The following STRIP1 variants were observed in gnomAD, a reference collection of about 807,000 sequenced individuals.
STRIP1 encodes striatin-interacting protein 1.
In STRIP1, 63 loss-of-function variants were observed where a neutral mutation model predicts 106.2. That is an observed-to-expected ratio of 0.59 (90% CI 0.48 to 0.73). The LOEUF (loss-of-function observed/expected upper bound fraction) is 0.73, where lower values mean the gene tolerates loss of function less well. Ranked by LOEUF, STRIP1 falls within the 30% of genes least tolerant of loss-of-function variation. The probability of loss-of-function intolerance (pLI) is 0.00; values close to 1 mark genes in which losing one functional copy is unlikely to be tolerated. For synonymous variants in STRIP1, 390 were observed against 413.0 expected, an observed-to-expected ratio of 0.94 and a Z score of 0.67; for missense variants, 857 against 1,074.8, an observed-to-expected ratio of 0.80 and a Z score of 2.83.
At chr1:110,032,702 A>G (rs941965353), upstream of STRIP1, among the ~76,000 whole-genome samples, 1 of 152,154 alleles carries the variant, frequency 6.6e-6, no homozygotes, top group African/African-American at 2.4e-5. Context: ...TACCCAGCTG[A>G]TAAGATTCCA....
chr1:110,042,797 T>G (rs1234048900), intron 8 of STRIP1: 1 of 301,786 alleles, frequency 3.3e-6, no homozygotes, highest in Non-Finnish European at 6.1e-6. Context: ...AGGGTTAGGC[T>G]CTTTGCTTCT....
rs780139766 is a variant in STRIP1, at chr1:110,051,896, C to G, written c.2266+9C>G. 28 of 1,611,248 alleles carry G rather than the reference C, an allele frequency of 1.7e-5. No homozygotes were observed. In the Admixed American group the frequency reaches 3.0e-4, roughly 17 times the overall value. On this transcript the variant is annotated intron_variant, in intron 20 of 20. Coordinates refer to ENST00000369795, the MANE Select transcript of STRIP1 (RefSeq NM_033088.4). The stretch of plus-strand genomic sequence containing the variant: ...CTGGGCATACGGCAATGGTGAGACT[C>G]TGCACTCAGCCAGATTTGGGTGGGA...
rs1297525810 is a variant in STRIP1 at position 110,040,501 on chromosome 1, A to G, written c.582-134A>G. Reference sequence around the variant, plus strand: ...CCAGCCATGGTCTGGTTTCTTAACCACCGTGTCCTGTGGCCTCTTGTGCAG... The same window carrying G: ...CCAGCCATGGTCTGGTTTCTTAACCGCCGTGTCCTGTGGCCTCTTGTGCAG... On this transcript the variant is annotated intron_variant, in intron 5 of 20. Transcript: ENST00000369795. 4 of 782,100 alleles carry G rather than the reference A, an allele frequency of 5.1e-6. No homozygotes were observed. In the African/African-American group the frequency reaches 7.1e-5, roughly 14 times the overall value. The allele number at this position is 782,100 out of a possible 1,614,324, so 48.4% of individuals were successfully genotyped here.
In STRIP1 at chr1:110,046,698, GCAGAGGT is replaced by G; in HGVS notation, c.1437_1443del (p.Glu480ArgfsTer40). 6.2e-7 allele frequency: 1 copy of G among 1,613,444 alleles called. No individual in the cohort carries two copies. The highest frequency in any genetic ancestry group is 8.5e-7 in the Non-Finnish European group (1 of 1,179,576). ...CCACCAGCACAAGTACACGTCGATT[GCAGAGGT>G]CCAGGCACAGATGGAGGAGGAATAC... On this transcript the variant is annotated frameshift_variant, in exon 13 of 21. Coordinates refer to ENST00000369795, the MANE Select transcript of STRIP1 (RefSeq NM_033088.4). LOFTEE classifies it high-confidence loss of function.
intron 5 of STRIP1, chr1:110,039,726 T>C (rs1652665190): frequency 1.9e-6 from 2 of 1,040,610 alleles, no homozygotes; most frequent in African/African-American, 1.6e-5. Context: ...AGCTCCCTGA[T>C]GCCAGAGTTT....
chr1:110,052,508 C>T lies in STRIP1; in HGVS notation c.2266+621C>T, dbSNP rs144916786. 7.1e-3 allele frequency among the ~76,000 whole-genome samples: 1,080 copies of T among 152,130 alleles called. 10 individuals are homozygous for T. The highest frequency in any genetic ancestry group is 0.016 in the African/African-American group (667 of 41,498). Reference sequence around the variant, plus strand: ...TTTTCTTTTGAGACAGAGATTCTGTCGCCCAGGCTGGATTGCAGTGGCACA... The same window carrying T: ...TTTTCTTTTGAGACAGAGATTCTGTTGCCCAGGCTGGATTGCAGTGGCACA... On this transcript the variant is annotated intron_variant, in intron 20 of 20. Coordinates refer to ENST00000369795, the MANE Select transcript of STRIP1 (RefSeq NM_033088.4).
chr1:110,050,190 G>C, intron 17 of STRIP1, 153 bp from the exon 18 acceptor site: 2 of 663,284 alleles, frequency 3.0e-6, no homozygotes, highest in Non-Finnish European at 5.3e-6. Context: ...TCATCTTATA[G>C]GTGGGGAAAC....
intron 8 of STRIP1, 96 bp downstream of exon 8, chr1:110,041,957 G>C (rs915059876): frequency 2.7e-5 from 36 of 1,350,572 alleles, no homozygotes; most frequent in Non-Finnish European, 3.5e-5. Flanking sequence ...TTATGTGACT[G>C]TAAAACTGCT....
chr1:110,044,167 C>T (rs1312407533), intron 10 of STRIP1, among the ~76,000 whole-genome samples: 1 of 152,194 alleles, frequency 6.6e-6, no homozygotes, highest in African/African-American at 2.4e-5. Context: ...AACATGTCTC[C>T]ACCCATCCTG....
upstream of STRIP1, among the ~76,000 whole-genome samples, chr1:110,033,728 A>G (rs1474351720): frequency 6.6e-6 from 1 of 152,258 alleles, no homozygotes; most frequent in Non-Finnish European, 1.5e-5. Context: ...TATGAACTTT[A>G]GGATTGAGTT....
chr1:110,034,340 A>G (rs1398624641), upstream of STRIP1, among the ~76,000 whole-genome samples: 4 of 152,248 alleles, frequency 2.6e-5, no homozygotes, highest in Admixed American at 1.3e-4. Flanking sequence ...GCTATGAGTT[A>G]TAAGTGCAAA....
intron 12 of STRIP1, 70 bp from the exon 13 acceptor site, chr1:110,046,610 T>C: frequency 7.3e-7 from 1 of 1,371,972 alleles, no homozygotes; most frequent in Non-Finnish European, 1.0e-6. Context: ...TGTGGGGATT[T>C]TGCTAGAGTG....
In STRIP1 at chr1:110,043,071, C is replaced by G. The variant is rs1476587263; in HGVS notation, c.886-17C>G. The G allele has an allele frequency of 1.2e-6, 2 of 1,600,146 alleles. No homozygotes were observed. The highest frequency in any genetic ancestry group is 4.5e-5 in the East Asian group (2 of 44,416). On this transcript the variant is annotated splice_polypyrimidine_tract_variant and intron_variant, in intron 8 of 20. Transcript: ENST00000369795. The stretch of plus-strand genomic sequence containing the variant: ...GGACACATTGACCCTGGCTCTGCTT[C>G]CCTGTCTGTGATGCAGTGCACGCTA...
intron 11 of STRIP1, 48 bp from the exon 12 acceptor site, chr1:110,044,966 CA>C: frequency 6.2e-7 from 1 of 1,613,428 alleles, no homozygotes; most frequent in Non-Finnish European, 8.5e-7. Flanking sequence ...TTTGGGATCC[CA>C]GGTGATTTGA....
Position 110,053,949 on chromosome 1 carries a change from T to TGATC in STRIP1, c.*38_*41dup. 6.2e-7 allele frequency: 1 copy of TGATC among 1,610,692 alleles called. No homozygotes were observed. The highest frequency in any genetic ancestry group is 8.5e-7 in the Non-Finnish European group (1 of 1,178,158). On this transcript the variant is annotated 3_prime_UTR_variant, in exon 21 of 21. Transcript: ENST00000369795. ...AGGGGACTGAAATGGAGAGAAAAGA[T>TGATC]GATCTGAAGGTACCTGTGGGACTGT...
At chr1:110,039,809 C>A in intron 5 of STRIP1, 1 of 1,338,492 alleles carries the variant, frequency 7.5e-7, no homozygotes, top group Non-Finnish European at 9.8e-7. Flanking sequence ...TTTGAGCTCT[C>A]TTTTGAACCT....
chr1:110,046,453 T>C (rs1653021963), intron 12 of STRIP1, among the ~76,000 whole-genome samples: 1 of 152,068 alleles, frequency 6.6e-6, no homozygotes, highest in Non-Finnish European at 1.5e-5. Context: ...TGAGCCAAGA[T>C]CATGCCACTG....
intron 8 of STRIP1, among the ~76,000 whole-genome samples, chr1:110,042,452 C>T (rs537490801): frequency 2.0e-4 from 31 of 152,308 alleles, no homozygotes; most frequent in African/African-American, 7.2e-4. Flanking sequence ...CACTGGGGCT[C>T]ATCCTTCCTT....
upstream of STRIP1, among the ~76,000 whole-genome samples, chr1:110,033,946 G>A (rs1341361061): frequency 6.6e-6 from 1 of 152,214 alleles, no homozygotes; most frequent in East Asian, 1.9e-4. Flanking sequence ...ACTATATCTT[G>A]TTGGAGTCAG....
Sources: gnomAD v4.1 joint callset for allele counts (sites outside exome capture counted in the v4.1 genomes callset) on GRCh38, gnomAD v4.1.1 for gene constraint, MANE v1.5 for transcripts, NCBI Gene and HGNC (gene_info 2026-07-23, HGNC 2026-07-21) for gene names.